The following TMEM71 variants were observed in gnomAD, a reference collection of about 807,000 sequenced individuals.
TMEM71 encodes the protein transmembrane protein 71.
Under a neutral mutation model 38.0 loss-of-function variants are expected in TMEM71, and 44 were observed. The observed-to-expected ratio is 1.16, with a 90% CI of 0.91 to 1.49. The LOEUF is 1.49. Among genes scored for constraint, TMEM71 ranks in the 40% most tolerant of loss-of-function variants. TMEM71 has a pLI of 0.00. For synonymous variants in TMEM71, 133 were observed against 122.5 expected (o/e 1.09, Z -0.56); for missense variants, 367 against 348.6 (o/e 1.05, Z -0.42).
At chr8:132,773,926 T>G in the TMEM71 span, among the ~76,000 whole-genome samples, 4 of 152,182 alleles carry the variant, frequency 2.6e-5, no homozygotes, top group African/African-American at 9.7e-5. Context: ...AAATATTTAT[T>G]TTTTTCCTTA....
chr8:132,760,383 T>A (rs1829262795), intron 1 of TMEM71, 93 bp downstream of exon 1: 1 of 152,112 alleles, frequency 6.6e-6, no homozygotes, highest in Non-Finnish European at 1.5e-5. Flanking sequence ...TGGTTGACAG[T>A]GGAAAAATTG....
At position 132,751,804 on chromosome 8, in the gene TMEM71, A is replaced by G. The variant is rs1563755882; in HGVS notation, c.295T>C (p.Tyr99His). ...TLNPSQTSVM[Y>H]KENLVRIFRK... ...GCTTACCTAACTAAGTTCTCCTTAT[A>G]CATAACGCTGGTCTGGGATGGGTTC... Residue 99 changes from tyrosine (Y) to histidine (H), a missense_variant, in exon 4 of 10, where the codon TAT becomes CAT. Transcript: ENST00000677595. 6.2e-7 allele frequency: 1 copy of G among 1,613,626 alleles called. No individual in the cohort carries two copies. The highest frequency in any genetic ancestry group is 1.7e-5 in the Admixed American group (1 of 60,024).
chr8:132,754,924 C>T (rs1394452670), intron 3 of TMEM71, among the ~76,000 whole-genome samples: 1 of 152,166 alleles, frequency 6.6e-6, no homozygotes, highest in Non-Finnish European at 1.5e-5. Context: ...CTTCTTACCC[C>T]TATTAATAAA....
At chr8:132,714,113 A>G (rs1826377462) in intron 8 of TMEM71, 41 bp downstream of exon 8, 2 of 1,609,402 alleles carry the variant, frequency 1.2e-6, no homozygotes, top group Middle Eastern at 1.7e-4. Flanking sequence ...TTGGAATGAA[A>G]TACAGGCATC....
chr8:132,754,826 AGT>A (rs1828915387), intron 3 of TMEM71, among the ~76,000 whole-genome samples: 3 of 152,220 alleles, frequency 2.0e-5, no homozygotes, highest in African/African-American at 7.2e-5. Flanking sequence ...AATATTGAAT[AGT>A]ACAGGTAGAA....
intron 5 of TMEM71, among the ~76,000 whole-genome samples, chr8:132,740,000 T>A (rs916000786): frequency 2.0e-5 from 3 of 152,180 alleles, no homozygotes; most frequent in Non-Finnish European, 4.4e-5. Flanking sequence ...ATAGCGGACA[T>A]CTAATCTGAA....
At chr8:132,773,589 T>C in the TMEM71 span, among the ~76,000 whole-genome samples, 5 of 152,312 alleles carry the variant, frequency 3.3e-5, no homozygotes, top group East Asian at 5.8e-4. Context: ...TCAGCAGGGG[T>C]TCTGCCAGAG....
chr8:132,712,851 CTTTTTG>C (rs1293380979), intron 9 of TMEM71, among the ~76,000 whole-genome samples: 2 of 150,438 alleles, frequency 1.3e-5, no homozygotes, highest in Admixed American at 6.6e-5. Context: ...TTTTCTTTTT[CTTTTTG>C]TTTTTAAGAC....
At position 132,758,885 on chromosome 8, in the gene TMEM71, G is replaced by A. The variant is rs994725706; in HGVS notation, c.-6C>T. 3 of 1,613,482 alleles carry A rather than the reference G, an allele frequency of 1.9e-6. No individual in the cohort carries two copies. Among genetic ancestry groups the A allele is most frequent in the Non-Finnish European group, 8.5e-7 (1 of 1,179,680 alleles). ...AGTTGAGATATTCGGTACATCTTGG[G>A]AAGGCCGCTTGCTCAAACTTCACAG... On this transcript the variant is annotated 5_prime_UTR_variant, in exon 2 of 10. Transcript: ENST00000677595.
intron 4 of TMEM71, 58 bp downstream of exon 4, chr8:132,751,727 T>G (rs1828719065): frequency 1.3e-6 from 2 of 1,486,636 alleles, no homozygotes; most frequent in East Asian, 4.5e-5. Context: ...AATGAATGAA[T>G]AAACAATTAA....
intron 7 of TMEM71, among the ~76,000 whole-genome samples, chr8:132,716,502 A>T: frequency 6.6e-6 from 1 of 152,360 alleles, no homozygotes; most frequent in Non-Finnish European, 1.5e-5. Context: ...ATTTAATAAC[A>T]GTGATGCCTC....
At chr8:132,723,227 C>T (rs1207622514) in intron 6 of TMEM71, among the ~76,000 whole-genome samples, 1 of 152,164 alleles carries the variant, frequency 6.6e-6, no homozygotes, top group African/African-American at 2.4e-5. Flanking sequence ...ATTGTGGGTT[C>T]AACTGAATAC....
chr8:132,738,638 C>G (rs781296191), intron 5 of TMEM71, among the ~76,000 whole-genome samples: 1 of 152,130 alleles, frequency 6.6e-6, no homozygotes, highest in Admixed American at 6.6e-5. Context: ...ACCCCAAATC[C>G]TCAATATGGC....
chr8:132,773,245 A>T, the TMEM71 span, among the ~76,000 whole-genome samples: 1 of 152,172 alleles, frequency 6.6e-6, no homozygotes, highest in East Asian at 1.9e-4. Flanking sequence ...AGACAATAAA[A>T]TACCATCCTC....
intron 5 of TMEM71, among the ~76,000 whole-genome samples, chr8:132,730,044 C>CTGA (rs1393482114): frequency 6.6e-6 from 1 of 152,026 alleles, no homozygotes; most frequent in African/African-American, 2.4e-5. Context: ...CAGCAACTTC[C>CTGA]ACCTCCTGGG....
downstream of TMEM71, among the ~76,000 whole-genome samples, chr8:132,706,554 G>A (rs1016043220): frequency 6.6e-6 from 1 of 152,122 alleles, no homozygotes. Context: ...TTGGAAGTTG[G>A]AGGGTGTGCC....
At chr8:132,736,125 A>T (rs1381790367) in intron 5 of TMEM71, among the ~76,000 whole-genome samples, 1 of 152,218 alleles carries the variant, frequency 6.6e-6, no homozygotes, top group African/African-American at 2.4e-5. Flanking sequence ...TATCAGAAGG[A>T]TTGTAAGGGA....
chr8:132,734,149 T>C (rs1827613739), intron 5 of TMEM71, among the ~76,000 whole-genome samples: 1 of 147,392 alleles, frequency 6.8e-6, no homozygotes, highest in Non-Finnish European at 1.5e-5. Context: ...TCATGTTATG[T>C]TCTTACACAC....
At chr8:132,725,045 T>C (rs1044524601) in intron 6 of TMEM71, among the ~76,000 whole-genome samples, 25 of 122,966 alleles carry the variant, frequency 2.0e-4, no homozygotes, top group South Asian at 2.6e-4. Context: ...TTCTTTTTTT[T>C]CTTTTTTTTT....
Sources: allele counts gnomAD v4.1 joint callset (sites outside exome capture counted in the v4.1 genomes callset), GRCh38; gene constraint gnomAD v4.1.1; transcripts MANE v1.5; gene names NCBI Gene and HGNC (gene_info 2026-07-23, HGNC 2026-07-21).